MMP26: variants seen among roughly 807,000 people sequenced by gnomAD.
The protein encoded by MMP26 is matrix metalloproteinase-26.
Under a neutral mutation model 31.0 loss-of-function variants are expected in MMP26, and 33 were observed. The ratio of observed to expected loss-of-function variants is 1.06; its 90% CI spans 0.81 to 1.42. MMP26 has a LOEUF of 1.42. MMP26 is among the 40% of genes most tolerant of loss of function. The pLI is 0.00. For missense variants in MMP26, 347 were observed against 316.1 expected, an observed-to-expected ratio of 1.10 and a Z score of -0.74; for synonymous variants, 122 against 114.9, an observed-to-expected ratio of 1.06 and a Z score of -0.40.
chr11:4,961,635 C>T (rs1846522360), intron 2 of MMP26, among the ~76,000 whole-genome samples: 1 of 152,186 alleles, frequency 6.6e-6, no homozygotes. Flanking sequence ...TGCAACCGTC[C>T]TGCAGACAGG....
chr11:4,787,393 C>T (rs1160228202), intron 2 of MMP26: 2 of 152,250 alleles, frequency 1.3e-5, no homozygotes, highest in African/African-American at 4.8e-5. Flanking sequence ...GGTTGGTACA[C>T]CATGTGTTGC....
chr11:4,806,856 TC>T (rs1849277463), intron 2 of MMP26, among the ~76,000 whole-genome samples: 1 of 152,138 alleles, frequency 6.6e-6, no homozygotes, highest in Admixed American at 6.5e-5. Context: ...CCTTTGCCTG[TC>T]CCAGACTTTC....
intron 2 of MMP26, among the ~76,000 whole-genome samples, chr11:4,929,341 G>T (rs1404860400): frequency 2.0e-5 from 3 of 151,828 alleles, no homozygotes; most frequent in Admixed American, 1.3e-4. Flanking sequence ...CTCTATTTCT[G>T]TTTCTCAGAA....
chr11:4,943,337 T>C, intron 2 of MMP26: 1 of 344,814 alleles, frequency 2.9e-6, no homozygotes, highest in South Asian at 2.4e-5. Flanking sequence ...AGTGAAGTCT[T>C]TCAGTTTTCT....
At position 4,760,364 on chromosome 11, in the gene MMP26, A is replaced by G. The variant is rs960144611; in HGVS notation, c.-216-6906A>G. On this transcript the variant is annotated intron_variant, in intron 1 of 7. Transcript: ENST00000380390. Reference sequence around the variant, plus strand: ...TGAATTTAGGAACAGCATCTGTGGAATGTTACAAAGCTAACCACCTACATG... The same window carrying G: ...TGAATTTAGGAACAGCATCTGTGGAGTGTTACAAAGCTAACCACCTACATG... 9.2e-5 allele frequency among the ~76,000 whole-genome samples: 14 copies of G among 152,204 alleles called. 1 individual carries two copies. The highest frequency in any genetic ancestry group is 8.8e-5 in the Non-Finnish European group (6 of 68,032).
chr11:4,965,948 A>G (rs1489926624), intron 2 of MMP26, among the ~76,000 whole-genome samples: 1 of 152,212 alleles, frequency 6.6e-6, no homozygotes, highest in Non-Finnish European at 1.5e-5. Context: ...CACTTAAAAA[A>G]TAAATTACAT....
At chr11:4,723,128 A>G in intron 1 of MMP26, 1 of 1,586,128 alleles carries the variant, frequency 6.3e-7, no homozygotes, top group Non-Finnish European at 8.6e-7. Context: ...CAGCTCGGAC[A>G]GCTTGGAGTT....
chr11:4,730,056 A>G (rs924684761), intron 1 of MMP26, among the ~76,000 whole-genome samples: 4 of 151,906 alleles, frequency 2.6e-5, no homozygotes, highest in Admixed American at 6.6e-5. Flanking sequence ...CCGCTAAACT[A>G]ATACACATCA....
chr11:4,859,839 T>G (rs764993465), intron 2 of MMP26: 1 of 471,382 alleles, frequency 2.1e-6, no homozygotes, highest in Non-Finnish European at 4.4e-6. Context: ...GAGAGAGGCA[T>G]GTGCTGAGGG....
chr11:4,760,503 A>G (rs1365913351), intron 1 of MMP26, among the ~76,000 whole-genome samples: 1 of 152,220 alleles, frequency 6.6e-6, no homozygotes, highest in African/African-American at 2.4e-5. Flanking sequence ...GAGAAAATAG[A>G]TGAGAGGATG....
intron 2 of MMP26, among the ~76,000 whole-genome samples, chr11:4,895,243 A>G (rs965195630): frequency 2.6e-5 from 4 of 151,470 alleles, no homozygotes; most frequent in African/African-American, 9.7e-5. Flanking sequence ...CATCATTACA[A>G]TTCTTTATAT....
At chr11:4,792,362 C>A (rs1849039973) in intron 2 of MMP26, among the ~76,000 whole-genome samples, 6 of 152,110 alleles carry the variant, frequency 3.9e-5, no homozygotes, top group Admixed American at 3.9e-4. Flanking sequence ...GTACAAAACA[C>A]CCTATCGCCC....
At chr11:4,719,824 T>C (rs1224901956) in intron 1 of MMP26, among the ~76,000 whole-genome samples, 1 of 152,224 alleles carries the variant, frequency 6.6e-6, no homozygotes, top group East Asian at 1.9e-4. Context: ...CTTTGTTAAC[T>C]AATGGTGCAG....
At chr11:4,706,577 CAAAAAAAAAAA>C (rs71050423) in intron 1 of MMP26, among the ~76,000 whole-genome samples, 1 of 87,570 alleles carries the variant, frequency 1.1e-5, no homozygotes, top group Non-Finnish European at 2.1e-5. Flanking sequence ...GACCCTATCT[CAAAAAAAAAAA>C]AAAAAAAAAA....
intron 2 of MMP26, among the ~76,000 whole-genome samples, chr11:4,819,150 G>A (rs1849459531): frequency 6.6e-6 from 1 of 152,146 alleles, no homozygotes; most frequent in African/African-American, 2.4e-5. Context: ...TTTGAACATA[G>A]GAGGTTTTCT....
intron 1 of MMP26, among the ~76,000 whole-genome samples, chr11:4,714,400 A>C (rs1209730047): frequency 6.6e-6 from 1 of 152,176 alleles, no homozygotes; most frequent in Non-Finnish European, 1.5e-5. Context: ...GTCACATTTT[A>C]TAACTGCCAC....
At chr11:4,916,312 G>A (rs1851090768) in intron 2 of MMP26, among the ~76,000 whole-genome samples, 1 of 151,792 alleles carries the variant, frequency 6.6e-6, no homozygotes, top group Non-Finnish European at 1.5e-5. Context: ...CTTGCTCTCT[G>A]CTCCTTCAGA....
intron 2 of MMP26, among the ~76,000 whole-genome samples, chr11:4,905,633 T>G (rs1240099143): frequency 6.6e-6 from 1 of 152,100 alleles, no homozygotes; most frequent in Non-Finnish European, 1.5e-5. Context: ...CTTCATCTTT[T>G]GTATTTTTGT....
chr11:4,743,564 AT>A (rs1229885079), intron 1 of MMP26, among the ~76,000 whole-genome samples: 8 of 152,178 alleles, frequency 5.3e-5, no homozygotes, highest in African/African-American at 1.9e-4. Context: ...AGGGAAATTA[AT>A]GTCTATTATT....
Sources: allele counts gnomAD v4.1 joint callset (sites outside exome capture counted in the v4.1 genomes callset), GRCh38; gene constraint gnomAD v4.1.1; transcripts MANE v1.5; gene names NCBI Gene and HGNC (gene_info 2026-07-23, HGNC 2026-07-21).